The following HACE1 variants were observed in gnomAD, a reference collection of about 807,000 sequenced individuals.
The protein encoded by HACE1 is HECT domain and ankyrin repeat containing E3 ubiquitin protein ligase 1, also known as E3 ubiquitin-protein ligase HACE1.
Under a neutral mutation model 118.4 loss-of-function variants are expected in HACE1, and 73 were observed. The ratio of observed to expected loss-of-function variants is 0.62; its 90% CI spans 0.51 to 0.75. The LOEUF (loss-of-function observed/expected upper bound fraction) is 0.75. Ranked by LOEUF, HACE1 falls within the 30% of genes least tolerant of loss-of-function variation. The pLI, the probability that HACE1 is intolerant of heterozygous loss-of-function variation, is 0.00. For synonymous variants in HACE1, 368 were observed against 374.8 expected (o/e 0.98, Z 0.21); for missense variants, 749 against 1,102.2 (o/e 0.68, Z 4.54).
At chr6:104,750,704 C>A (rs1204825537) in intron 19 of HACE1, among the ~76,000 whole-genome samples, 1 of 152,062 alleles carries the variant, frequency 6.6e-6, no homozygotes, top group Non-Finnish European at 1.5e-5. Flanking sequence ...ACTATCAGAT[C>A]TACCTTTAAA....
intron 4 of HACE1, among the ~76,000 whole-genome samples, chr6:104,847,625 T>C (rs1344425698): frequency 5.9e-5 from 9 of 152,158 alleles, no homozygotes; most frequent in Non-Finnish European, 8.8e-5. Flanking sequence ...TTAATCTTTA[T>C]ACGCAAAAAT....
intron 19 of HACE1, among the ~76,000 whole-genome samples, chr6:104,762,808 G>A (rs1360091282): frequency 6.6e-6 from 1 of 151,796 alleles, no homozygotes; most frequent in Non-Finnish European, 1.5e-5. Flanking sequence ...GGCTAACACA[G>A]TGAAACCCCG....
intron 1 of HACE1, among the ~76,000 whole-genome samples, chr6:104,859,194 T>A (rs576909596): frequency 6.6e-6 from 1 of 152,110 alleles, no homozygotes; most frequent in South Asian, 2.1e-4. Flanking sequence ...TTGGATCATC[T>A]CTATCCCCAG....
intron 19 of HACE1, among the ~76,000 whole-genome samples, chr6:104,756,700 T>C (rs1183568614): frequency 1.3e-5 from 2 of 151,856 alleles, no homozygotes; most frequent in Non-Finnish European, 2.9e-5. Context: ...GGTTGGACAG[T>C]GGGTGCAGCC....
chr6:104,791,363 G>T (rs1015375457), intron 11 of HACE1, 141 bp downstream of exon 11: 2 of 727,064 alleles, frequency 2.8e-6, no homozygotes, highest in Non-Finnish European at 5.0e-6. Context: ...AGAGGAGAAA[G>T]GTGTGCCTAA....
At chr6:104,858,924 T>C (rs893689654) in intron 1 of HACE1, among the ~76,000 whole-genome samples, 1 of 152,326 alleles carries the variant, frequency 6.6e-6, no homozygotes, top group East Asian at 1.9e-4. Flanking sequence ...CCATGCCTTA[T>C]TCCTCTTTGC....
At chr6:104,751,170 C>T (rs1778007572) in intron 19 of HACE1, among the ~76,000 whole-genome samples, 1 of 152,182 alleles carries the variant, frequency 6.6e-6, no homozygotes, top group Non-Finnish European at 1.5e-5. Context: ...TGTGTTTATA[C>T]TTCTAGATCA....
At chr6:104,804,480 G>C (rs191221596) in intron 7 of HACE1, among the ~76,000 whole-genome samples, 68 of 152,306 alleles carry the variant, frequency 4.5e-4, no homozygotes, top group African/African-American at 1.6e-3. Context: ...CAAGGCTACA[G>C]TAACCAAAAC....
chr6:104,858,631 C>T (rs139368310), intron 1 of HACE1: 1 of 204,520 alleles, frequency 4.9e-6, no homozygotes, highest in East Asian at 1.8e-4. Flanking sequence ...TACAAACCAC[C>T]CAGCAGCAAT....
chr6:104,784,952 G>GAA, intron 12 of HACE1, 33 bp downstream of exon 12: 14 of 1,249,782 alleles, frequency 1.1e-5, no homozygotes, highest in Admixed American at 3.7e-5. Context: ...ATCTATCAGA[G>GAA]AAAAAAAAAA....
intron 19 of HACE1, among the ~76,000 whole-genome samples, chr6:104,751,916 G>C (rs9377670): frequency 0.16 from 22,287 of 139,966 alleles, 1,844 homozygotes; most frequent in East Asian, 0.2. Context: ...GCACTAATCT[G>C]ATGCTCTGTT....
At chr6:104,741,471 A>G (rs1776676687) in intron 22 of HACE1, among the ~76,000 whole-genome samples, 1 of 146,764 alleles carries the variant, frequency 6.8e-6, no homozygotes, top group South Asian at 2.2e-4. Flanking sequence ...GTCTCAGGAT[A>G]CAAAATCAAT....
At chr6:104,759,895 C>T (rs1477597158) in intron 19 of HACE1, among the ~76,000 whole-genome samples, 1 of 152,168 alleles carries the variant, frequency 6.6e-6, no homozygotes, top group East Asian at 1.9e-4. Context: ...GAAATACAAA[C>T]TACCATCAGA....
chr6:104,827,442 C>T (rs1773451017), intron 6 of HACE1, among the ~76,000 whole-genome samples: 1 of 152,108 alleles, frequency 6.6e-6, no homozygotes, highest in Non-Finnish European at 1.5e-5. Flanking sequence ...CTCTAAAAAC[C>T]TGTCCACCTT....
At chr6:104,833,681 A>C (rs1262515175) in intron 5 of HACE1, among the ~76,000 whole-genome samples, 4 of 152,140 alleles carry the variant, frequency 2.6e-5, no homozygotes, top group Non-Finnish European at 5.9e-5. Flanking sequence ...CTGTCTCTAC[A>C]AAAAATTCAA....
At chr6:104,843,185 A>G (rs910588152) in intron 5 of HACE1, 38 bp downstream of exon 5, 3 of 1,025,366 alleles carry the variant, frequency 2.9e-6, no homozygotes, top group East Asian at 4.7e-5. Flanking sequence ...TTTCTAAAAC[A>G]TACTTTTAAA....
intron 22 of HACE1, among the ~76,000 whole-genome samples, chr6:104,738,132 A>C (rs981178182): frequency 6.6e-6 from 1 of 151,608 alleles, no homozygotes; most frequent in South Asian, 2.1e-4. Flanking sequence ...GAAAACTAAC[A>C]AACAGAAAGG....
intron 20 of HACE1, among the ~76,000 whole-genome samples, chr6:104,749,662 T>C (rs982748702): frequency 6.6e-6 from 1 of 152,104 alleles, no homozygotes. Flanking sequence ...TACTGTGCTT[T>C]ATTAAGATTT....
chr6:104,740,421 C>G, intron 22 of HACE1, among the ~76,000 whole-genome samples: 1 of 151,380 alleles, frequency 6.6e-6, no homozygotes. Context: ...AGACCGCTAG[C>G]AAGACTAAAA....
Sources: gnomAD v4.1 joint callset for allele counts (sites outside exome capture counted in the v4.1 genomes callset) on GRCh38, gnomAD v4.1.1 for gene constraint, MANE v1.5 for transcripts, NCBI Gene and HGNC (gene_info 2026-07-23, HGNC 2026-07-21) for gene names.